Variants in C18orf54 observed in about 807,000 individuals in gnomAD.
C18orf54 encodes the protein lung adenoma susceptibility protein 2.
Under a neutral mutation model 49.3 loss-of-function variants are expected in C18orf54, and 49 were observed. That is an observed-to-expected ratio of 0.99 (90% CI 0.79 to 1.26). The LOEUF is 1.26. Ranked by LOEUF, C18orf54 falls within the 50% of genes most tolerant of loss-of-function variation. The pLI is 0.00. For missense variants in C18orf54, 687 were observed against 620.6 expected, an observed-to-expected ratio of 1.11 and a Z score of -1.14; for synonymous variants, 211 against 216.6, an observed-to-expected ratio of 0.97 and a Z score of 0.23.
At chr18:54,365,960 A>T (rs1332122200) in intron 6 of C18orf54, 139 bp downstream of exon 6, 1 of 329,010 alleles carries the variant, frequency 3.0e-6, no homozygotes, top group Admixed American at 4.8e-5. Context: ...TTCCTTCCAG[A>T]ATTATTGATT....
rs746608567 is a variant in C18orf54 at position 54,361,680 on chromosome 18, C to G, written c.321C>G (p.Phe107Leu). The G allele has an allele frequency of 6.2e-7, 1 of 1,604,488 alleles. No individual in the cohort carries two copies. The highest frequency in any genetic ancestry group is 1.1e-5 in the South Asian group (1 of 88,112). Reference sequence around the variant, plus strand: ...TTGATCACAAAAAGCACTCAAACTTCATATCCTGTAGAAGACACACCGTTA... The same window carrying G: ...TTGATCACAAAAAGCACTCAAACTTGATATCCTGTAGAAGACACACCGTTA... ...ENLDHKKHSN[F>L]ISCRRHTVND... Residue 107 changes from phenylalanine (F) to leucine (L), a missense_variant, in exon 4 of 9, where the codon TTC (phenylalanine) becomes TTG (leucine). Transcript: ENST00000620105.
At chr18:54,368,978 A>G (rs2089437779) in intron 6 of C18orf54, among the ~76,000 whole-genome samples, 1 of 152,088 alleles carries the variant, frequency 6.6e-6, no homozygotes, top group East Asian at 1.9e-4. Context: ...GTGCCTTTTT[A>G]TATGTCTGCA....
chr18:54,361,705 A>G lies in C18orf54; in HGVS notation c.346A>G (p.Asn116Asp). 1 of 1,613,874 alleles carries G rather than the reference A, an allele frequency of 6.2e-7. No homozygotes were observed. Among genetic ancestry groups the G allele is most frequent in the Non-Finnish European group, 8.5e-7 (1 of 1,179,838 alleles). The change falls in exon 4 of 9, where the codon AAT becomes GAT. Residue 116 changes from asparagine (N) to aspartate (D), a missense_variant. By Grantham distance (23) the Asn-to-Asp change is conservative. Transcript: ENST00000620105. ...CATATCCTGTAGAAGACACACCGTTAATGACATAGACTCCATGAGCCTAAC... is the reference window on the plus strand; with the variant it reads ...CATATCCTGTAGAAGACACACCGTTGATGACATAGACTCCATGAGCCTAAC... The part of the protein sequence containing the change: ...NFISCRRHTV[N>D]DIDSMSLTTD...
chr18:54,360,125 T>C (rs989080295), intron 2 of C18orf54, among the ~76,000 whole-genome samples: 9 of 152,210 alleles, frequency 5.9e-5, no homozygotes, highest in African/African-American at 2.2e-4. Context: ...CACATGGTAG[T>C]AGGCTTATGA....
intron 6 of C18orf54, among the ~76,000 whole-genome samples, chr18:54,369,466 C>CTTTTTT (rs140753589): frequency 3.4e-5 from 3 of 89,152 alleles, no homozygotes; most frequent in Non-Finnish European, 6.0e-5. Flanking sequence ...TTGTATATTG[C>CTTTTTT]TTTTTTTTTT....
intron 7 of C18orf54, among the ~76,000 whole-genome samples, chr18:54,373,310 A>AAG (rs1555685325): frequency 6.6e-6 from 1 of 151,644 alleles, no homozygotes; most frequent in Non-Finnish European, 1.5e-5. Flanking sequence ...TTTAATTGAC[A>AAG]ATATATATAT....
chr18:54,358,443 T>C (rs1223414418), intron 1 of C18orf54: 1 of 152,468 alleles, frequency 6.6e-6, no homozygotes, highest in East Asian at 1.9e-4. Flanking sequence ...GGCTGCTGAA[T>C]AAATGGTTTC....
intron 6 of C18orf54, 57 bp downstream of exon 6, chr18:54,365,878 T>C: frequency 1.0e-6 from 1 of 987,898 alleles, no homozygotes; most frequent in Admixed American, 2.4e-5. Flanking sequence ...AATATGTAGA[T>C]ACTAATTTTT....
In C18orf54 at chr18:54,360,789, A is replaced by T; in HGVS notation, c.217A>T (p.Ile73Phe). 6.2e-7 allele frequency: 1 copy of T among 1,613,636 alleles called. No homozygotes were observed. The highest frequency in any genetic ancestry group is 8.5e-7 in the Non-Finnish European group (1 of 1,179,594). Reference protein sequence around the residue: ...QIYPGASTGKINIDEDFTNMS... With the variant: ...QIYPGASTGKFNIDEDFTNMS... ...ATATCCTGGTGCAAGCACTGGAAAA[A>T]TTAACATTGATGAGGATTTTACTAA... The change falls in exon 3 of 9, where the codon ATT becomes TTT. Residue 73 changes from isoleucine to phenylalanine, a missense_variant. Physicochemically the swap from Ile to Phe is conservative, Grantham distance 21. Transcript: ENST00000620105.
intron 6 of C18orf54, among the ~76,000 whole-genome samples, chr18:54,368,112 G>A (rs574934788): frequency 1.5e-4 from 23 of 151,680 alleles, no homozygotes; most frequent in African/African-American, 4.4e-4. Flanking sequence ...TTATCTGTCT[G>A]TGTTTTTTTG....
chr18:54,375,054 A>G (rs1378364794), intron 8 of C18orf54, among the ~76,000 whole-genome samples: 3 of 151,792 alleles, frequency 2.0e-5, no homozygotes, highest in Non-Finnish European at 3.0e-5. Context: ...TGTATCATGT[A>G]TGATTACTTT....
At position 54,381,406 on chromosome 18, in the gene C18orf54, C is replaced by G. The variant is rs571993117; in HGVS notation, c.*3160C>G. On this transcript the variant is annotated 3_prime_UTR_variant, in exon 9 of 9. Transcript: ENST00000620105. ...GGACCTTCACTGGGACTAGTTCATT[C>G]ATTTTCAAATAGCTATTTCAACCTT... is the stretch of plus-strand genomic sequence containing the variant. 3.3e-5 allele frequency: 5 copies of G among 152,302 alleles called. No homozygotes were observed. In the East Asian group the frequency reaches 9.6e-4, roughly 29 times the overall value. The allele number at this position is 152,302 out of a possible 1,614,324, so 9.4% of individuals were successfully genotyped here. A position where few individuals can be genotyped will look rare whatever the true frequency, so the allele number is the denominator to read the frequency against.
intron 3 of C18orf54, among the ~76,000 whole-genome samples, chr18:54,361,196 C>T (rs1484826105): frequency 2.0e-5 from 3 of 152,056 alleles, no homozygotes; most frequent in African/African-American, 7.2e-5. Context: ...CAATATATTC[C>T]GGAAGCAAAG....
intron 6 of C18orf54, among the ~76,000 whole-genome samples, chr18:54,366,162 G>A (rs931795629): frequency 1.3e-5 from 2 of 151,622 alleles, no homozygotes; most frequent in African/African-American, 4.8e-5. Context: ...AAGGTATTTG[G>A]AAATATATAA....
chr18:54,367,446 G>C (rs967877072), intron 6 of C18orf54, among the ~76,000 whole-genome samples: 5 of 152,080 alleles, frequency 3.3e-5, no homozygotes, highest in African/African-American at 1.2e-4. Flanking sequence ...TCTTGGTTAT[G>C]TAAGAAAGAG....
At chr18:54,377,936 A>G (rs1286481220) in intron 8 of C18orf54, among the ~76,000 whole-genome samples, 1 of 152,174 alleles carries the variant, frequency 6.6e-6, no homozygotes, top group Non-Finnish European at 1.5e-5. Flanking sequence ...AAAAAAAGTT[A>G]ATGTCAAAAA....
Position 54,378,235 on chromosome 18 carries a change from C to A in C18orf54, c.1591C>A (p.Pro531Thr), listed in dbSNP as rs916152681. Reference protein sequence around the residue: ...LVDDTNGERSPKM With the variant: ...LVDDTNGERSTKM ...TGATGATACGAATGGAGAACGGTCA[C>A]CGAAAATGTGAAGAGGAAAATGAAA... is the stretch of plus-strand genomic sequence containing the variant. Residue 531 changes from proline to threonine, a missense_variant, in exon 9 of 9, where the codon CCG (proline) becomes ACG (threonine). Physicochemically the swap from Pro to Thr is conservative, Grantham distance 38 (BLOSUM62 -1). Transcript: ENST00000620105. The A allele has an allele frequency of 3.7e-6, 6 of 1,612,942 alleles. No individual in the cohort carries two copies. The African/African-American group carries it at 8.0e-5, about 22-fold the overall frequency.
At chr18:54,368,714 G>A (rs1478958223) in intron 6 of C18orf54, among the ~76,000 whole-genome samples, 2 of 152,006 alleles carry the variant, frequency 1.3e-5, no homozygotes, top group African/African-American at 4.8e-5. Flanking sequence ...TTGAGACTTT[G>A]CAGATATCCT....
At position 54,361,973 on chromosome 18, in the gene C18orf54, T is replaced by C. The variant is rs768184188; in HGVS notation, c.614T>C (p.Met205Thr). Residue 205 changes from methionine to threonine, a missense_variant, in exon 4 of 9, where the codon ATG becomes ACG. Coordinates refer to ENST00000620105, the MANE Select transcript of C18orf54 (RefSeq NM_001288980.2). The part of the protein sequence containing the change: ...QCGRLKNPKL[M>T]NRTNNCISES... Reference sequence around the variant, plus strand: ...GGTAGGCTGAAAAACCCAAAACTTATGAATAGGACTAATAATTGCATTTCT... The same window carrying C: ...GGTAGGCTGAAAAACCCAAAACTTACGAATAGGACTAATAATTGCATTTCT... 4.3e-6 allele frequency: 7 copies of C among 1,613,898 alleles called. No homozygotes were observed. Among genetic ancestry groups the C allele is most frequent in the Non-Finnish European group, 5.1e-6 (6 of 1,179,928 alleles).
Sources: allele counts gnomAD v4.1 joint callset (sites outside exome capture counted in the v4.1 genomes callset), GRCh38; gene constraint gnomAD v4.1.1; transcripts MANE v1.5; gene names NCBI Gene and HGNC (gene_info 2026-07-23, HGNC 2026-07-21).